Variants in SNRNP200 observed in about 807,000 individuals in gnomAD.
The protein encoded by SNRNP200 is small nuclear ribonucleoprotein U5 subunit 200.
SNRNP200 carries 66 observed loss-of-function variants against 255.2 expected under a neutral mutation model. The ratio of observed to expected loss-of-function variants is 0.26; its 90% CI spans 0.21 to 0.32. The LOEUF (loss-of-function observed/expected upper bound fraction) is 0.32, where lower values mean the gene tolerates loss of function less well. Ranked by LOEUF, SNRNP200 falls within the 10% of genes least tolerant of loss-of-function variation. SNRNP200 has a pLI of 1.00. For missense variants in SNRNP200, 1,585 were observed against 2,749.8 expected (o/e 0.58, Z 9.47); for synonymous variants, 939 against 1,027.8 (o/e 0.91, Z 1.65).
At chr2:96,295,689 T>A in intron 13 of SNRNP200, 31 bp from the exon 14 acceptor site, 1 of 1,610,578 alleles carries the variant, frequency 6.2e-7, no homozygotes, top group Middle Eastern at 1.7e-4. Flanking sequence ...CAGGCAGGAA[T>A]GCTTGAAGGG....
intron 36 of SNRNP200, 158 bp from the exon 37 acceptor site, chr2:96,279,156 T>C (rs1440529063): frequency 1.4e-6 from 1 of 698,728 alleles, no homozygotes; most frequent in African/African-American, 1.8e-5. Context: ...CTGGTGACAA[T>C]ACGCAGTGGG....
chr2:96,279,137 A>T (rs1684717974), intron 36 of SNRNP200, 139 bp from the exon 37 acceptor site: 1 of 738,670 alleles, frequency 1.4e-6, no homozygotes, highest in Non-Finnish European at 2.4e-6. Context: ...ACATTTAGAA[A>T]GTGCATCACT....
In SNRNP200 at chr2:96,297,731, C is replaced by A. The variant is rs759025222; in HGVS notation, c.1120-11G>T. 2 of 1,614,020 alleles carry A rather than the reference C, an allele frequency of 1.2e-6. No individual in the cohort carries two copies. The highest frequency in any genetic ancestry group is 2.2e-5 in the East Asian group (1 of 44,890). ...CCGGGACCTTTCCTCCTGTAGTGGA[C>A]AAAGATAAAAATCACAAAAACAATT... is the stretch of plus-strand genomic sequence containing the variant. On this transcript the variant is annotated splice_polypyrimidine_tract_variant and intron_variant, in intron 9 of 44. Coordinates refer to ENST00000323853, the MANE Select transcript of SNRNP200 (RefSeq NM_014014.5).
Position 96,303,310 on chromosome 2 carries a change from T to C in SNRNP200, c.230A>G (p.Asp77Gly). The C allele has an allele frequency of 6.2e-7, 1 of 1,614,142 alleles. No individual in the cohort carries two copies. Among genetic ancestry groups the C allele is most frequent in the Non-Finnish European group, 8.5e-7 (1 of 1,180,030 alleles). ...RRAKRRKRDEDRHDINKMKGY... is the reference protein window; with the variant it reads ...RRAKRRKRDEGRHDINKMKGY... The stretch of plus-strand genomic sequence containing the variant: ...CTTCATCTTGTTGATGTCATGCCGG[T>C]CCTCATCACGCTTTCTTCGCCTAAT... Residue 77 changes from aspartate (D) to glycine (G), a missense_variant, in exon 3 of 45, where the codon GAC (aspartate) becomes GGC (glycine). Physicochemically the swap from Asp to Gly is moderately conservative, Grantham distance 94. Coordinates refer to ENST00000323853, the MANE Select transcript of SNRNP200 (RefSeq NM_014014.5).
Position 96,274,640 on chromosome 2 carries a change from C to T in SNRNP200, c.*372G>A, listed in dbSNP as rs1684623111. The T allele has an allele frequency of 6.3e-5, 22 of 351,360 alleles. No individual in the cohort carries two copies. Among genetic ancestry groups the T allele is most frequent in the South Asian group, 4.3e-4 (19 of 43,790 alleles). The allele number at this position is 351,360 out of a possible 1,614,324, so 21.8% of individuals were successfully genotyped here. On this transcript the variant is annotated 3_prime_UTR_variant, in exon 45 of 45. Transcript: ENST00000323853. ...CTCCAGACATACTCATTAACAAGCA[C>T]GTTCCTGGCTAAAAAATAACCAGAT...
chr2:96,277,830 C>A lies in SNRNP200; in HGVS notation c.5731G>T (p.Asp1911Tyr). 6.2e-7 allele frequency: 1 copy of A among 1,614,284 alleles called. No homozygotes were observed. Among genetic ancestry groups the A allele is most frequent in the South Asian group, 1.1e-5 (1 of 91,084 alleles). The change falls in exon 40 of 45, where the codon GAT (aspartate) becomes TAT (tyrosine). Residue 1911 changes from aspartate (D) to tyrosine (Y), a missense_variant. Asp to Tyr is a radical substitution (Grantham distance 160). Transcript: ENST00000323853. This position sits in a 1 kb window ranked among gnomAD's most constrained non-coding sequence, Gnocchi z 4.4. ...RMQLSAELQSDTEEILSKAIR... is the reference protein window; with the variant it reads ...RMQLSAELQSYTEEILSKAIR... ...ACCTTACTAAGGATTTCCTCCGTAT[C>A]TGACTGCAACTCAGCACTCAGCTGC...
At chr2:96,295,908 G>A (rs1475672495) in intron 13 of SNRNP200, among the ~76,000 whole-genome samples, 2 of 152,134 alleles carry the variant, frequency 1.3e-5, no homozygotes, top group Non-Finnish European at 2.9e-5. Context: ...CACTTTCAGA[G>A]GCCAACGCAG....
intron 22 of SNRNP200, 37 bp from the exon 23 acceptor site, chr2:96,289,154 T>C (rs2063868101): frequency 6.2e-7 from 1 of 1,613,824 alleles, no homozygotes; most frequent in Non-Finnish European, 8.5e-7. Context: ...GAAAGCCTTG[T>C]GGCCGAGGAG....
intron 5 of SNRNP200, among the ~76,000 whole-genome samples, chr2:96,299,778 C>T (rs139433847): frequency 0.019 from 2,867 of 152,172 alleles, 41 homozygotes; most frequent in South Asian, 0.038. Flanking sequence ...GTGGTGACTC[C>T]GGAATGAAGA....
Position 96,274,819 on chromosome 2 carries a change from A to AC in SNRNP200, c.*192dup. 1 of 660,516 alleles carries AC rather than the reference A, an allele frequency of 1.5e-6. No individual in the cohort carries two copies. The highest frequency in any genetic ancestry group is 1.8e-5 in the African/African-American group (1 of 55,846). The allele number at this position is 660,516 out of a possible 1,614,324, so 40.9% of individuals were successfully genotyped here. ...AAATGCTATATATGATTTATGCTTG[A>AC]CCCATGACACCTGCTGTCACTGGAT... is the stretch of plus-strand genomic sequence containing the variant. On this transcript the variant is annotated 3_prime_UTR_variant, in exon 45 of 45. Coordinates refer to ENST00000323853, the MANE Select transcript of SNRNP200 (RefSeq NM_014014.5).
chr2:96,282,132 G>C, intron 34 of SNRNP200: 1 of 550,564 alleles, frequency 1.8e-6, no homozygotes, highest in Non-Finnish European at 3.3e-6. Flanking sequence ...GACTATCCAG[G>C]AGAAAACAAG....
At chr2:96,293,246 A>C (rs2063894539) in intron 15 of SNRNP200, 70 bp downstream of exon 15, 1 of 1,576,838 alleles carries the variant, frequency 6.3e-7, no homozygotes, top group Non-Finnish European at 8.7e-7. Flanking sequence ...ACCCAGTAGC[A>C]CTCCTTGGAA....
intron 3 of SNRNP200, among the ~76,000 whole-genome samples, chr2:96,302,954 G>C (rs998854605): frequency 6.6e-5 from 10 of 152,022 alleles, no homozygotes; most frequent in Non-Finnish European, 1.2e-4. Context: ...AGTCCTTTTG[G>C]GGTTTTTATG....
chr2:96,279,183 G>A (rs1171627898), intron 36 of SNRNP200, 185 bp from the exon 37 acceptor site: 1 of 667,636 alleles, frequency 1.5e-6, no homozygotes, highest in Non-Finnish European at 2.7e-6. Flanking sequence ...GGTACAGCAA[G>A]TCACGAGGGC....
Position 96,293,056 on chromosome 2 carries a change from G to T in SNRNP200, c.2076C>A (p.Ile692=). ...PVPLEQTYVG[I]TEKKAIKRFQ... ...AACGCTTGATAGCTTTTTTCTCTGTGATACCCACATATGTCTGTTCCAGAG... is the reference window on the plus strand; with the variant it reads ...AACGCTTGATAGCTTTTTTCTCTGTTATACCCACATATGTCTGTTCCAGAG... Residue 692 remains isoleucine, a synonymous_variant, in exon 16 of 45, where the codon ATC becomes ATA. Transcript: ENST00000323853. The T allele has an allele frequency of 1.2e-6, 2 of 1,614,040 alleles. No individual in the cohort carries two copies. The highest frequency in any genetic ancestry group is 2.2e-5 in the South Asian group (2 of 91,078).
At position 96,279,434 on chromosome 2, in the gene SNRNP200, A is replaced by G. The variant is rs1181114474; in HGVS notation, c.5133+17T>C. The G allele has an allele frequency of 2.0e-6, 3 of 1,526,162 alleles. No homozygotes were observed. Among genetic ancestry groups the G allele is most frequent in the Admixed American group, 1.7e-5 (1 of 59,852 alleles). 94.5% of individuals were successfully genotyped at this position (1,526,162 alleles called of 1,614,324 possible). A position where few individuals can be genotyped will look rare whatever the true frequency, so the allele number is the denominator to read the frequency against. On this transcript the variant is annotated intron_variant, in intron 36 of 44. Coordinates refer to ENST00000323853, the MANE Select transcript of SNRNP200 (RefSeq NM_014014.5). The stretch of plus-strand genomic sequence containing the variant: ...TGAGGCTACGGATCCAAGAGGCTCC[A>G]TGAGTCTAGGACTGACCTTCTTGGA...
chr2:96,284,038 G>T, intron 31 of SNRNP200, 34 bp from the exon 32 acceptor site: 1 of 1,545,914 alleles, frequency 6.5e-7, no homozygotes. Context: ...GTCACTGCAG[G>T]CCAAGGCTCC....
rs1396737950 is a variant in SNRNP200 at position 96,278,470 on chromosome 2, C to T, written c.5488+77G>A. The T allele has an allele frequency of 1.9e-6, 3 of 1,610,646 alleles. No individual in the cohort carries two copies. The highest frequency in any genetic ancestry group is 2.2e-5 in the East Asian group (1 of 44,874). On this transcript the variant is annotated intron_variant, in intron 38 of 44. Transcript: ENST00000323853. This position sits in a 1 kb window ranked among gnomAD's most constrained non-coding sequence, Gnocchi z 6.9. Reference sequence around the variant, plus strand: ...GTCATCCCGCTGACAAACACGGGCGCACCTCTCATCCCAGTGGGCTCCTGA... The same window carrying T: ...GTCATCCCGCTGACAAACACGGGCGTACCTCTCATCCCAGTGGGCTCCTGA...
In SNRNP200 at chr2:96,291,690, G is replaced by C; in HGVS notation, c.2310+61C>G. On this transcript the variant is annotated intron_variant, in intron 17 of 44. Coordinates refer to ENST00000323853, the MANE Select transcript of SNRNP200 (RefSeq NM_014014.5). The surrounding 1 kb of genome is among the most constrained non-coding windows in gnomAD (Gnocchi z 4.2). Reference sequence around the variant, plus strand: ...AGTACAGTCCTAGAGGAGCTGTCTGGGGCCTGAGATGGACACAGCTGCCAG... The same window carrying C: ...AGTACAGTCCTAGAGGAGCTGTCTGCGGCCTGAGATGGACACAGCTGCCAG... 1.9e-6 allele frequency: 3 copies of C among 1,588,042 alleles called. No homozygotes were observed. Among genetic ancestry groups the C allele is most frequent in the Non-Finnish European group, 2.6e-6 (3 of 1,158,094 alleles).
Sources: gnomAD v4.1 joint callset for allele counts (sites outside exome capture counted in the v4.1 genomes callset) on GRCh38, gnomAD v4.1.1 for gene constraint, Gnocchi (gnomAD v3.1) non-coding constraint, MANE v1.5 for transcripts, NCBI Gene and HGNC (gene_info 2026-07-23, HGNC 2026-07-21) for gene names.